The following SSUH2 variants were observed in gnomAD, a reference collection of about 807,000 sequenced individuals.
The protein encoded by SSUH2 is protein SSUH2 homolog.
A neutral mutation model predicts 55.3 loss-of-function variants in SSUH2; 47 were observed. The observed-to-expected ratio is 0.85, with a 90% CI of 0.67 to 1.08. SSUH2 has a LOEUF of 1.08. Among genes scored for constraint, SSUH2 ranks in the 50% least tolerant of loss-of-function variants. The pLI is 0.00. For synonymous variants in SSUH2, 212 were observed against 191.5 expected (o/e 1.11, Z -0.89); for missense variants, 535 against 490.7 (o/e 1.09, Z -0.85).
chr3:8,625,089 C>G (rs1264851454), intron 10 of SSUH2, among the ~76,000 whole-genome samples: 2 of 152,042 alleles, frequency 1.3e-5, no homozygotes, highest in Non-Finnish European at 1.5e-5. Flanking sequence ...AAGGGTCCAT[C>G]ATAGTCCCCT....
intron 3 of SSUH2, chr3:8,634,563 C>T: frequency 1.6e-6 from 2 of 1,289,836 alleles, no homozygotes; most frequent in South Asian, 2.5e-5. Flanking sequence ...GCCCGTCTGT[C>T]TTCAGATCCA....
chr3:8,631,980 C>A (rs1698877540), intron 5 of SSUH2, 69 bp downstream of exon 5: 3 of 1,281,654 alleles, frequency 2.3e-6, no homozygotes, highest in Admixed American at 1.7e-5. Flanking sequence ...TGAGCCAAGT[C>A]CTGATATTTT....
chr3:8,679,975 C>A (rs151325028), intron 1 of SSUH2: 2,092 of 151,128 alleles, frequency 0.014, 51 homozygotes, highest in African/African-American at 0.048. Context: ...GACCGGGAAC[C>A]TTTGCAAGGG....
At chr3:8,680,534 C>A (rs566281245) in intron 1 of SSUH2, among the ~76,000 whole-genome samples, 2 of 151,956 alleles carry the variant, frequency 1.3e-5, no homozygotes, top group Non-Finnish European at 2.9e-5. Context: ...CTACTCCCTG[C>A]GATATCGTGT....
intron 2 of SSUH2, among the ~76,000 whole-genome samples, chr3:8,678,440 T>TATC (rs752451155): frequency 4.6e-5 from 7 of 152,112 alleles, no homozygotes; most frequent in Middle Eastern, 3.4e-3. Context: ...CTGGAATTAT[T>TATC]ATCCTCTCCG....
rs116014043 is a variant in SSUH2, at chr3:8,670,641, C to A, written c.-455+357G>T. The stretch of plus-strand genomic sequence containing the variant: ...TGCCGTGTGACATTAGGAGTAACAC[C>A]CCCGAGGATATAATGAATCATATCA... On this transcript the variant is annotated intron_variant, in intron 5 of 18. Coordinates refer to the SSUH2 transcript ENST00000317371. Among the ~76,000 whole-genome samples the A allele has an allele frequency of 6.6e-3, 1,002 of 152,092 alleles. 6 individuals are homozygous for A. Among genetic ancestry groups the A allele is most frequent in the African/African-American group, 0.023 (934 of 41,472 alleles).
chr3:8,633,608 A>G (rs1699309916), intron 4 of SSUH2, 58 bp downstream of exon 4: 7 of 1,416,132 alleles, frequency 4.9e-6, no homozygotes, highest in Middle Eastern at 2.6e-4. Context: ...CCACTGTCCC[A>G]AAGCCCCCAG....
intron 7 of SSUH2, 103 bp downstream of exon 7, chr3:8,629,561 A>G: frequency 7.3e-6 from 7 of 953,542 alleles, no homozygotes; most frequent in Non-Finnish European, 1.2e-5. Context: ...GAGATGACAC[A>G]GTTACTGCAG....
In SSUH2 at chr3:8,679,096, CT is replaced by C. The variant is rs1205314690; in HGVS notation, c.-901+608del. On this transcript the variant is annotated intron_variant, in intron 2 of 18. Transcript: ENST00000317371. ...AGGCGGGGACTGAGAGCAAGCACCT[CT>C]TTCCCCCCTGGCTCTTAGGACCCAA... Among the ~76,000 whole-genome samples, 4 of 104,560 alleles carry C rather than the reference CT, an allele frequency of 3.8e-5. 1 individual carries two copies. The highest frequency in any genetic ancestry group is 1.3e-4 in the African/African-American group (4 of 30,700). 68.6% of individuals were successfully genotyped at this position (104,560 alleles called of 152,430 possible).
chr3:8,644,602 A>G (rs1701414964), intron 1 of SSUH2, 129 bp downstream of exon 1: 1 of 845,492 alleles, frequency 1.2e-6, no homozygotes, highest in African/African-American at 1.7e-5. Flanking sequence ...AGTGCTAGCT[A>G]CAGAGCTTAT....
chr3:8,629,951 C>G (rs1698426886), intron 6 of SSUH2, among the ~76,000 whole-genome samples: 1 of 152,176 alleles, frequency 6.6e-6, no homozygotes, highest in African/African-American at 2.4e-5. Context: ...TGGATGCCAT[C>G]AAGGGGAGAC....
rs183995929 is a variant in SSUH2, at chr3:8,672,480, C to T, written c.-752-445G>A. Among the ~76,000 whole-genome samples, 12 of 152,166 alleles carry T rather than the reference C, an allele frequency of 7.9e-5. No homozygotes were observed. In the East Asian group the frequency reaches 9.7e-4, roughly 12 times the overall value. The stretch of plus-strand genomic sequence containing the variant: ...ATATTGGGAGTAATATCAACCTCTC[C>T]GCCTTTGAATATTAAGAACAATATC... On this transcript the variant is annotated intron_variant, in intron 3 of 18. Coordinates refer to the SSUH2 transcript ENST00000317371.
At chr3:8,634,513 C>A (rs1486089334) in intron 3 of SSUH2, 2 of 1,289,664 alleles carry the variant, frequency 1.6e-6, no homozygotes, top group Admixed American at 4.6e-5. Flanking sequence ...ATTCTGCACA[C>A]TTGTATCTCC....
At chr3:8,621,656 C>T (rs1296069068) in intron 11 of SSUH2, among the ~76,000 whole-genome samples, 1 of 152,190 alleles carries the variant, frequency 6.6e-6, no homozygotes, top group East Asian at 1.9e-4. Flanking sequence ...ACTCTTATTT[C>T]ACAGAGTTGT....
rs76023625 is a variant in SSUH2 at position 8,678,652 on chromosome 3, G to A, written c.-901+1053C>T. Among the ~76,000 whole-genome samples, 48 of 53,120 alleles carry A rather than the reference G, an allele frequency of 9.0e-4. 2 individuals are homozygous for A. The highest frequency in any genetic ancestry group is 1.4e-3 in the Non-Finnish European group (34 of 24,926). 34.8% of individuals were successfully genotyped at this position (53,120 alleles called of 152,430 possible). On this transcript the variant is annotated intron_variant, in intron 2 of 18. Transcript: ENST00000317371. ...TTTTGGGACCCCCATCGCAGTGGGG[G>A]GAGGCACCCCCCGCGAGGCGGGGAT...
At chr3:8,658,536 T>C (rs555943298) in intron 7 of SSUH2, among the ~76,000 whole-genome samples, 2 of 152,336 alleles carry the variant, frequency 1.3e-5, no homozygotes, top group East Asian at 3.9e-4. Context: ...TGATGCATTC[T>C]TGGGCTCCCC....
intron 2 of SSUH2, among the ~76,000 whole-genome samples, chr3:8,678,473 A>C (rs867619266): frequency 2.4e-4 from 34 of 140,546 alleles, no homozygotes; most frequent in Non-Finnish European, 3.8e-4. Flanking sequence ...CCTGGCTCTT[A>C]GGACCCCCAT....
chr3:8,656,362 T>G (rs747752273), intron 7 of SSUH2, among the ~76,000 whole-genome samples: 4 of 152,244 alleles, frequency 2.6e-5, no homozygotes, highest in African/African-American at 7.2e-5. Flanking sequence ...TGAGGCCTCC[T>G]GGAACCTCGC....
intron 1 of SSUH2, among the ~76,000 whole-genome samples, chr3:8,639,660 G>A (rs950198225): frequency 6.6e-5 from 10 of 152,122 alleles, no homozygotes; most frequent in Admixed American, 2.6e-4. Context: ...CCCCTTTAAC[G>A]TTCTCTTTTT....
Sources: allele counts gnomAD v4.1 joint callset (sites outside exome capture counted in the v4.1 genomes callset), GRCh38; gene constraint gnomAD v4.1.1; transcripts MANE v1.5; gene names NCBI Gene and HGNC (gene_info 2026-07-23, HGNC 2026-07-21).